The following TRIM24 variants were observed in gnomAD, a reference collection of about 807,000 sequenced individuals.
TRIM24 encodes transcription intermediary factor 1-alpha.
TRIM24 carries 29 observed loss-of-function variants against 123.9 expected under a neutral mutation model. The ratio of observed to expected loss-of-function variants is 0.23; its 90% CI spans 0.17 to 0.32. The LOEUF (loss-of-function observed/expected upper bound fraction) is 0.32. Among genes scored for constraint, TRIM24 ranks in the 10% least tolerant of loss-of-function variants. TRIM24 has a pLI of 1.00. For missense variants in TRIM24, 932 were observed against 1,295.3 expected (o/e 0.72, Z 4.31); for synonymous variants, 456 against 461.1 (o/e 0.99, Z 0.14).
At chr7:138,510,852 T>C (rs1332009812) in intron 2 of TRIM24, among the ~76,000 whole-genome samples, 1 of 152,252 alleles carries the variant, frequency 6.6e-6, no homozygotes, top group East Asian at 1.9e-4. Flanking sequence ...TTTTAAAATA[T>C]TGTATAACTA....
At chr7:138,547,023 G>A (rs1755685271) in intron 7 of TRIM24, among the ~76,000 whole-genome samples, 2 of 152,090 alleles carry the variant, frequency 1.3e-5, no homozygotes, top group South Asian at 4.1e-4. Context: ...ACCAAAAAAT[G>A]GAATCAGTGT....
intron 1 of TRIM24, among the ~76,000 whole-genome samples, chr7:138,483,619 C>T (rs1351078631): frequency 6.6e-6 from 1 of 152,214 alleles, no homozygotes; most frequent in Non-Finnish European, 1.5e-5. Context: ...TAACAACTGA[C>T]ACTGGGCAGA....
At position 138,480,154 on chromosome 7, in the gene TRIM24, C is replaced by T. The variant is rs140922492; in HGVS notation, c.364+19242C>T. ...GTTTTTAAATTTTTTTTTGTAGTGACGAGGTCTCACTTTTACCTAGGCTGG... is the reference window on the plus strand; with the variant it reads ...GTTTTTAAATTTTTTTTTGTAGTGATGAGGTCTCACTTTTACCTAGGCTGG... On this transcript the variant is annotated intron_variant, in intron 1 of 18. Transcript: ENST00000343526. Among the ~76,000 whole-genome samples, 1,386 of 152,074 alleles carry T rather than the reference C, an allele frequency of 9.1e-3. 10 individuals carry two copies. The highest frequency in any genetic ancestry group is 0.017 in the Middle Eastern group (5 of 294).
At chr7:138,525,826 C>T (rs534617002) in intron 5 of TRIM24, among the ~76,000 whole-genome samples, 85 of 152,266 alleles carry the variant, frequency 5.6e-4, no homozygotes, top group South Asian at 1.5e-3. Flanking sequence ...AACTGTTCCG[C>T]ACACTTTTTA....
chr7:138,562,720 A>G (rs575663932), intron 9 of TRIM24, among the ~76,000 whole-genome samples: 5 of 152,260 alleles, frequency 3.3e-5, no homozygotes, highest in Non-Finnish European at 5.9e-5. Flanking sequence ...TACTCCAGGA[A>G]TTTTATTAAG....
At chr7:138,528,200 C>T (rs1369807931) in intron 5 of TRIM24, among the ~76,000 whole-genome samples, 1 of 152,138 alleles carries the variant, frequency 6.6e-6, no homozygotes, top group Non-Finnish European at 1.5e-5. Flanking sequence ...CCAGGCATGT[C>T]TCATGACTTT....
intron 1 of TRIM24, among the ~76,000 whole-genome samples, chr7:138,466,569 GTC>G (rs1795146141): frequency 7.1e-6 from 1 of 140,590 alleles, no homozygotes. Flanking sequence ...GCTCAGGCTG[GTC>G]TCTCAACTCC....
At chr7:138,461,089 T>C (rs1405758115) in intron 1 of TRIM24, 177 bp downstream of exon 1, 2 of 773,696 alleles carry the variant, frequency 2.6e-6, no homozygotes, top group African/African-American at 1.7e-5. Context: ...CTCTGCGGCG[T>C]GTCGCGCTCG....
rs1027385002 is a variant in TRIM24 at position 138,484,598 on chromosome 7, CTTTG to C, written c.365-19688_365-19685del. ...TGCTGTAGGATTTGGTTTGCTAATA[CTTTG>C]TTTATTACTTTTATGTTTATGAATT... On this transcript the variant is annotated intron_variant, in intron 1 of 18. Coordinates refer to ENST00000343526, the MANE Select transcript of TRIM24 (RefSeq NM_015905.3). Among the ~76,000 whole-genome samples the C allele has an allele frequency of 4.6e-5, 7 of 152,074 alleles. No homozygotes were observed. In the East Asian group the frequency reaches 5.8e-4, roughly 13 times the overall value.
intron 9 of TRIM24, among the ~76,000 whole-genome samples, chr7:138,559,638 G>A (rs1392712441): frequency 6.6e-6 from 1 of 152,122 alleles, no homozygotes; most frequent in African/African-American, 2.4e-5. Flanking sequence ...ACCAGAGCAA[G>A]GCTGTTGACT....
chr7:138,474,393 G>A (rs1233584770), intron 1 of TRIM24, among the ~76,000 whole-genome samples: 2 of 152,086 alleles, frequency 1.3e-5, no homozygotes, highest in Non-Finnish European at 2.9e-5. Context: ...CCAAAGTGCT[G>A]GGATTACAGG....
intron 9 of TRIM24, among the ~76,000 whole-genome samples, chr7:138,563,977 G>A (rs778617550): frequency 3.3e-5 from 5 of 152,188 alleles, no homozygotes; most frequent in Non-Finnish European, 5.9e-5. Flanking sequence ...CTTCTAGGCA[G>A]CAGAGAGCTG....
Position 138,573,628 on chromosome 7 carries a change from C to A in TRIM24, c.2000C>A (p.Ser667Tyr). ...CAGTCACCAAATTCATCAGTGCCATCTCCAGGCCTTGCAGGTAAAGTGGGC... is the reference window on the plus strand; with the variant it reads ...CAGTCACCAAATTCATCAGTGCCATATCCAGGCCTTGCAGGTAAAGTGGGC... ...TVQSPNSSVP[S>Y]PGLAGPVTMT... is the part of the protein sequence containing the mutation. Residue 667 changes from serine (S) to tyrosine (Y), a missense_variant, in exon 12 of 19, where the codon TCT becomes TAT. Ser to Tyr is a moderately radical substitution (Grantham distance 144). Transcript: ENST00000343526. 1.9e-6 allele frequency: 3 copies of A among 1,607,812 alleles called. No individual in the cohort carries two copies. The South Asian group carries it at 3.4e-5, about 18-fold the overall frequency.
intron 3 of TRIM24, among the ~76,000 whole-genome samples, chr7:138,516,474 T>A (rs1407235319): frequency 1.3e-5 from 2 of 152,162 alleles, no homozygotes; most frequent in Non-Finnish European, 2.9e-5. Context: ...CATGCTATTC[T>A]CCTGCCTGTA....
intron 18 of TRIM24, 145 bp from the exon 19 acceptor site, chr7:138,584,597 C>G: frequency 1.8e-6 from 1 of 567,172 alleles, no homozygotes; most frequent in Non-Finnish European, 2.9e-6. Flanking sequence ...TTTTAGCTGG[C>G]CTTCTGTACA....
intron 6 of TRIM24, among the ~76,000 whole-genome samples, chr7:138,535,473 G>C (rs1486432095): frequency 6.6e-6 from 1 of 152,070 alleles, no homozygotes; most frequent in Non-Finnish European, 1.5e-5. Context: ...CTTCACTTAT[G>C]AAGCTTAGTT....
chr7:138,540,986 C>T (rs867783266), intron 7 of TRIM24, among the ~76,000 whole-genome samples: 61 of 152,170 alleles, frequency 4.0e-4, no homozygotes, highest in Middle Eastern at 3.4e-3. Flanking sequence ...TGTAGGCATG[C>T]GCCACCATGT....
At chr7:138,580,740 T>C (rs755716924) in intron 16 of TRIM24, 46 bp downstream of exon 16, 1 of 1,551,756 alleles carries the variant, frequency 6.4e-7, no homozygotes, top group South Asian at 1.2e-5. Context: ...TGCAATATTG[T>C]ACTGTGGTAC....
chr7:138,565,995 G>T (rs1028903306), intron 9 of TRIM24, among the ~76,000 whole-genome samples: 3 of 152,168 alleles, frequency 2.0e-5, no homozygotes, highest in African/African-American at 7.2e-5. Flanking sequence ...TTGCTCTGAG[G>T]GGGTGTTGGG....
Sources: allele counts gnomAD v4.1 joint callset (sites outside exome capture counted in the v4.1 genomes callset), GRCh38; gene constraint gnomAD v4.1.1; transcripts MANE v1.5; gene names NCBI Gene and HGNC (gene_info 2026-07-23, HGNC 2026-07-21).